CPE: variants seen among roughly 807,000 people sequenced by gnomAD.
CPE encodes carbocypeptidase E.
CPE carries 17 observed loss-of-function variants against 53.5 expected under a neutral mutation model. The observed-to-expected ratio is 0.32, with a 90% CI of 0.22 to 0.48. CPE has a LOEUF of 0.48. Among genes scored for constraint, CPE ranks in the 20% least tolerant of loss-of-function variants. CPE has a pLI of 0.99. For missense variants in CPE, 524 were observed against 614.7 expected (o/e 0.85, Z 1.56); for synonymous variants, 226 against 228.8 (o/e 0.99, Z 0.11).
intron 1 of CPE, among the ~76,000 whole-genome samples, chr4:165,396,234 C>T (rs1244471357): frequency 6.6e-6 from 1 of 151,602 alleles, no homozygotes; most frequent in African/African-American, 2.4e-5. Flanking sequence ...GGCTAGGGAA[C>T]TTATTGGGTG....
At chr4:165,464,212 G>C (rs1732056803) in intron 1 of CPE, among the ~76,000 whole-genome samples, 178 bp from the exon 2 acceptor site, 1 of 152,124 alleles carries the variant, frequency 6.6e-6, no homozygotes, top group Non-Finnish European at 1.5e-5. Context: ...TGGGTAGCTG[G>C]GAGGCGAGGA....
intron 1 of CPE, among the ~76,000 whole-genome samples, chr4:165,439,661 T>A (rs1408989307): frequency 1.3e-5 from 2 of 152,010 alleles, no homozygotes. Context: ...TTACATTTCT[T>A]CCTCTTACAA....
rs1732120510 is a variant in CPE, at chr4:165,467,226, G to A, written c.505-462G>A. ...TAGTCCCAGTGCTTTGGGAGGCCAA[G>A]GAGGGAGGATCACTTGAACCCAGGA... On this transcript the variant is annotated intron_variant, in intron 2 of 8. Coordinates refer to ENST00000402744, the MANE Select transcript of CPE (RefSeq NM_001873.4). Among the ~76,000 whole-genome samples, 4 of 152,354 alleles carry A rather than the reference G, an allele frequency of 2.6e-5. No individual in the cohort carries two copies. In the South Asian group the frequency reaches 6.2e-4, roughly 24 times the overall value.
At chr4:165,436,080 T>C (rs1388242510) in intron 1 of CPE, among the ~76,000 whole-genome samples, 1 of 152,174 alleles carries the variant, frequency 6.6e-6, no homozygotes, top group African/African-American at 2.4e-5. Flanking sequence ...CCTAGCACTC[T>C]GTTCTTGACC....
intron 3 of CPE, 117 bp downstream of exon 3, chr4:165,467,972 A>T: frequency 8.5e-7 from 1 of 1,175,866 alleles, no homozygotes; most frequent in Non-Finnish European, 1.2e-6. Flanking sequence ...GGGGTGGTTA[A>T]CTGTGGCTTT....
chr4:165,425,695 A>C (rs990075337), intron 1 of CPE, among the ~76,000 whole-genome samples: 3 of 152,016 alleles, frequency 2.0e-5, no homozygotes, highest in African/African-American at 7.2e-5. Flanking sequence ...ATAGAGTCCT[A>C]GAAGAAGTTT....
intron 1 of CPE, among the ~76,000 whole-genome samples, chr4:165,428,299 C>T (rs527395438): frequency 3.6e-4 from 55 of 152,346 alleles, no homozygotes; most frequent in Non-Finnish European, 6.3e-4. Flanking sequence ...CAATCCTCAG[C>T]ATCCCAAAGT....
At chr4:165,451,028 C>A (rs969084909) in intron 1 of CPE, among the ~76,000 whole-genome samples, 1 of 152,208 alleles carries the variant, frequency 6.6e-6, no homozygotes, top group East Asian at 1.9e-4. Flanking sequence ...ATAGCATGGT[C>A]CACTGACAAG....
chr4:165,402,592 C>T (rs1202194327), intron 1 of CPE, among the ~76,000 whole-genome samples: 1 of 152,174 alleles, frequency 6.6e-6, no homozygotes, highest in Non-Finnish European at 1.5e-5. Context: ...ACCTTACTCC[C>T]TTTCTCTCCA....
At position 165,379,428 on chromosome 4, in the gene CPE, G is replaced by A. The variant is rs770785440; in HGVS notation, c.207G>A (p.Gln69=). ...AGGCGCTCGTGTCCGTGTGGCTGCA[G>A]TGCACCGCCATCAGCAGGATTTACA... ...LREALVSVWL[Q]CTAISRIYTV... is the part of the protein sequence containing the mutation. The change falls in exon 1 of 9, where the codon CAG becomes CAA. Residue 69 remains glutamine (Q), a synonymous_variant. Transcript: ENST00000402744. The surrounding 1 kb of genome is among the most constrained non-coding windows in gnomAD (Gnocchi z 6.0). 350 of 1,610,232 alleles carry A rather than the reference G, an allele frequency of 2.2e-4. No individual in the cohort carries two copies. The highest frequency in any genetic ancestry group is 2.8e-4 in the Non-Finnish European group (328 of 1,178,946).
At chr4:165,473,366 T>C (rs957753803) in intron 3 of CPE, among the ~76,000 whole-genome samples, 2 of 152,240 alleles carry the variant, frequency 1.3e-5, no homozygotes, top group Non-Finnish European at 2.9e-5. Flanking sequence ...TTGAATTATA[T>C]TAAAGTCATT....
chr4:165,450,957 T>G (rs1731797017), intron 1 of CPE, among the ~76,000 whole-genome samples: 1 of 152,228 alleles, frequency 6.6e-6, no homozygotes, highest in Non-Finnish European at 1.5e-5. Context: ...TCCCCCACTC[T>G]TGATTTTGGA....
At chr4:165,386,806 C>T (rs1221348599) in intron 1 of CPE, among the ~76,000 whole-genome samples, 1 of 152,180 alleles carries the variant, frequency 6.6e-6, no homozygotes, top group East Asian at 1.9e-4. Context: ...AAAAACTCTG[C>T]ATGAGACCTG....
chr4:165,457,745 G>A (rs751859773), intron 1 of CPE, among the ~76,000 whole-genome samples: 8 of 152,184 alleles, frequency 5.3e-5, no homozygotes, highest in Non-Finnish European at 1.2e-4. Flanking sequence ...GAAGGAAGAA[G>A]CAAGAAGAGA....
intron 1 of CPE, among the ~76,000 whole-genome samples, chr4:165,455,080 T>C (rs1731878843): frequency 6.6e-6 from 1 of 152,256 alleles, no homozygotes; most frequent in Non-Finnish European, 1.5e-5. Flanking sequence ...GGAAACTTGA[T>C]GCTGCCTCCT....
intron 1 of CPE, among the ~76,000 whole-genome samples, chr4:165,448,507 G>A (rs1317722310): frequency 1.3e-5 from 2 of 152,208 alleles, no homozygotes; most frequent in African/African-American, 4.8e-5. Flanking sequence ...ATCATCTTCT[G>A]TGTGGGCCCT....
chr4:165,399,369 C>T (rs1560869811), intron 1 of CPE, among the ~76,000 whole-genome samples: 1 of 152,064 alleles, frequency 6.6e-6, no homozygotes, highest in African/African-American at 2.4e-5. Flanking sequence ...AAAAGACATA[C>T]CCTCTTTTTT....
At chr4:165,445,019 C>T (rs1287509522) in intron 1 of CPE, among the ~76,000 whole-genome samples, 6 of 152,086 alleles carry the variant, frequency 3.9e-5, no homozygotes, top group South Asian at 4.1e-4. Context: ...TGCAGTGGCA[C>T]GAACTTGGCT....
rs1487811817 is a variant in CPE at position 165,482,379 on chromosome 4, C to G, written c.790+20C>G. The G allele has an allele frequency of 8.5e-6, 13 of 1,523,330 alleles. No homozygotes were observed. The highest frequency in any genetic ancestry group is 1.0e-5 in the Non-Finnish European group (11 of 1,098,204). The allele number at this position is 1,523,330 out of a possible 1,614,324, so 94.4% of individuals were successfully genotyped here. ...GGAGTGGTAGGTATTCTTTCTGCTT[C>G]TCTTATTGGTTCAAAGTTTATAACA... On this transcript the variant is annotated intron_variant, in intron 4 of 8. Coordinates refer to ENST00000402744, the MANE Select transcript of CPE (RefSeq NM_001873.4).
Sources: gnomAD v4.1 joint callset for allele counts (sites outside exome capture counted in the v4.1 genomes callset) on GRCh38, gnomAD v4.1.1 for gene constraint, Gnocchi (gnomAD v3.1) non-coding constraint, MANE v1.5 for transcripts, NCBI Gene and HGNC (gene_info 2026-07-23, HGNC 2026-07-21) for gene names.